Variants in CCNH observed in about 807,000 individuals in gnomAD.
CCNH encodes the protein cyclin H, also known as cyclin-H.
CCNH carries 31 observed loss-of-function variants against 41.9 expected under a neutral mutation model. That is an observed-to-expected ratio of 0.74 (90% CI 0.56 to 1.00). The LOEUF is 1.00. Ranked by LOEUF, CCNH falls within the 50% of genes least tolerant of loss-of-function variation. The pLI is 0.00. For missense variants in CCNH, 362 were observed against 388.4 expected, an observed-to-expected ratio of 0.93 and a Z score of 0.57; for synonymous variants, 138 against 136.1, an observed-to-expected ratio of 1.01 and a Z score of -0.10.
chr5:87,320,695 C>T (rs1310493264), intron 9 of CCNH, among the ~76,000 whole-genome samples: 1 of 152,124 alleles, frequency 6.6e-6, no homozygotes, highest in Non-Finnish European at 1.5e-5. Flanking sequence ...AGTAACAGTT[C>T]AACATGAGAT....
upstream of CCNH, chr5:87,377,214 AC>A (rs1761387401): frequency 1.3e-6 from 1 of 797,050 alleles, no homozygotes; most frequent in South Asian, 1.6e-5. Flanking sequence ...TATGTTGGTT[AC>A]TATGGGAAGC....
rs1760812240 is a variant in CCNH, at chr5:87,370,000, G to C, written c.*90+22770C>G. 8.0e-6 allele frequency: 8 copies of C among 1,003,460 alleles called. No individual in the cohort carries two copies. The East Asian group carries it at 2.1e-4, about 26-fold the overall frequency. 62.2% of individuals were successfully genotyped at this position (1,003,460 alleles called of 1,614,324 possible). On this transcript the variant is annotated intron_variant and NMD_transcript_variant, in intron 9 of 9. Transcript: ENST00000645953. ...TGATCGCATTCAAGATAAAGTGACA[G>C]AACGCCTGAAATCTAATCATCTCTT...
downstream of CCNH, among the ~76,000 whole-genome samples, chr5:87,375,162 C>T (rs1297981112): frequency 6.6e-6 from 1 of 152,156 alleles, no homozygotes; most frequent in African/African-American, 2.4e-5. Context: ...TTTAGCCACC[C>T]TCCTTTCTCC....
chr5:87,318,369 T>C (rs1167075071), downstream of CCNH: 1 of 152,072 alleles, frequency 6.6e-6, no homozygotes, highest in Non-Finnish European at 1.5e-5. Flanking sequence ...AAGGAGGGTG[T>C]ATTAGTTTGT....
At chr5:87,349,936 T>C (rs941924001) in intron 9 of CCNH, among the ~76,000 whole-genome samples, 1 of 151,880 alleles carries the variant, frequency 6.6e-6, no homozygotes, top group African/African-American at 2.4e-5. Context: ...ATGTCAGCAA[T>C]TTTTCAGTCA....
chr5:87,396,507 C>T (rs900864161), intron 7 of CCNH, among the ~76,000 whole-genome samples: 5 of 152,158 alleles, frequency 3.3e-5, no homozygotes, highest in Non-Finnish European at 7.4e-5. Flanking sequence ...CACCTGTCGT[C>T]CCAGCTACTT....
intron 2 of CCNH, 57 bp downstream of exon 2, chr5:87,411,167 G>C (rs1764205938): frequency 3.3e-6 from 5 of 1,524,732 alleles, no homozygotes; most frequent in African/African-American, 2.8e-5. Flanking sequence ...ATTTAGAAGA[G>C]GTCAAATTTC....
downstream of CCNH, among the ~76,000 whole-genome samples, chr5:87,373,248 C>A (rs1351389561): frequency 3.3e-5 from 5 of 151,514 alleles, no homozygotes; most frequent in African/African-American, 4.9e-5. Context: ...AACCATGGGT[C>A]GAAAAAATAC....
downstream of CCNH, chr5:87,394,158 A>G (rs1044789752): frequency 2.5e-6 from 2 of 784,486 alleles, no homozygotes; most frequent in Non-Finnish European, 1.6e-6. Context: ...CTTTTTTAAA[A>G]AAAGCATAGG....
chr5:87,401,729 G>A lies in CCNH; in HGVS notation c.733C>T (p.Leu245=). The stretch of plus-strand genomic sequence containing the variant: ...TTCATTATATCTAGTAACTGTGACA[G>A]GCAAGTTCTGTTCTCTTTCAGCATC... ...SLMLKENRTC[L]SQLLDIMKSM... The change falls in exon 6 of 9, where the codon CTG becomes TTG. Residue 245 remains leucine, a synonymous_variant. Coordinates refer to ENST00000256897, the MANE Select transcript of CCNH (RefSeq NM_001239.4). 1.9e-6 allele frequency: 3 copies of A among 1,590,584 alleles called. No homozygotes were observed. Among genetic ancestry groups the A allele is most frequent in the African/African-American group, 1.4e-5 (1 of 73,882 alleles).
At chr5:87,318,718 G>A in exon 10 of CCNH, 1 of 152,134 alleles carries the variant, frequency 6.6e-6, no homozygotes, top group African/African-American at 2.4e-5. Flanking sequence ...AGATTTGGAT[G>A]GGGGTACAGA....
chr5:87,377,589 A>T (rs1276381627), upstream of CCNH, among the ~76,000 whole-genome samples: 2 of 151,952 alleles, frequency 1.3e-5, no homozygotes, highest in Non-Finnish European at 2.9e-5. Context: ...CGCCTGCCTC[A>T]AGCCTCCCAA....
downstream of CCNH, chr5:87,374,297 A>G (rs370957991): frequency 2.2e-5 from 35 of 1,606,332 alleles, no homozygotes; most frequent in African/African-American, 4.0e-5. Context: ...AAAACCCAGT[A>G]TGGTCAGAAG....
chr5:87,369,549 T>C (rs1430966919), intron 9 of CCNH, among the ~76,000 whole-genome samples: 2 of 152,162 alleles, frequency 1.3e-5, no homozygotes, highest in East Asian at 1.9e-4. Context: ...TTTGTAACTT[T>C]ATTTCTAATG....
downstream of CCNH, among the ~76,000 whole-genome samples, chr5:87,371,884 TCAAA>T (rs1760969294): frequency 2.6e-5 from 4 of 152,156 alleles, no homozygotes; most frequent in African/African-American, 4.8e-5. Context: ...ATACATAAAT[TCAAA>T]CAAAGATTTA....
chr5:87,351,797 T>C (rs890553522), intron 9 of CCNH, among the ~76,000 whole-genome samples: 1 of 151,810 alleles, frequency 6.6e-6, no homozygotes, highest in African/African-American at 2.4e-5. Flanking sequence ...CCACACACTT[T>C]TAAATTTGCT....
chr5:87,387,857 T>C (rs550914436), downstream of CCNH, among the ~76,000 whole-genome samples: 33 of 152,336 alleles, frequency 2.2e-4, no homozygotes, highest in African/African-American at 6.3e-4. Flanking sequence ...AACTGGGATA[T>C]AGTTGGTCAA....
At chr5:87,323,262 A>G (rs1283773398) in intron 9 of CCNH, among the ~76,000 whole-genome samples, 1 of 152,212 alleles carries the variant, frequency 6.6e-6, no homozygotes, top group Non-Finnish European at 1.5e-5. Context: ...ACTTTGAGAA[A>G]GCATAGAGGG....
intron 4 of CCNH, among the ~76,000 whole-genome samples, chr5:87,407,292 G>A (rs904703262): frequency 6.6e-6 from 1 of 152,036 alleles, no homozygotes; most frequent in African/African-American, 2.4e-5. Flanking sequence ...CCTTTAGATT[G>A]TAAGGTTCAC....
Sources: gnomAD v4.1 joint callset for allele counts (sites outside exome capture counted in the v4.1 genomes callset) on GRCh38, gnomAD v4.1.1 for gene constraint, MANE v1.5 for transcripts, NCBI Gene and HGNC (gene_info 2026-07-23, HGNC 2026-07-21) for gene names.